The following FOXC2 variants were observed in gnomAD, a reference collection of about 807,000 sequenced individuals.
FOXC2 encodes forkhead box C2.
A neutral mutation model predicts 7.2 loss-of-function variants in FOXC2; 7 were observed. The ratio of observed to expected loss-of-function variants is 0.97; its 90% CI spans 0.55 to 1.81. The LOEUF is 1.81. Ranked by LOEUF, FOXC2 falls within the 40% of genes most tolerant of loss-of-function variation. FOXC2 has a pLI of 0.00. For missense variants in FOXC2, 846 were observed against 741.2 expected, an observed-to-expected ratio of 1.14 and a Z score of -1.64; for synonymous variants, 436 against 350.4, an observed-to-expected ratio of 1.24 and a Z score of -2.73.
At position 86,566,844 on chromosome 16, in the gene FOXC2, C is replaced by T. The variant is rs889756188; in HGVS notation, c.-492C>T. On this transcript the variant is annotated 5_prime_UTR_variant, in exon 1 of 1. Transcript: ENST00000649859. The surrounding 1 kb of genome is among the most constrained non-coding windows in gnomAD (Gnocchi z 4.3). ...GAAGACTTTTGAAACTTTTCCCAAT[C>T]CCTAAAAGGGACTTGGCCTCTTTTT... Among the ~76,000 whole-genome samples the T allele has an allele frequency of 6.6e-6, 1 of 152,170 alleles. No individual in the cohort carries two copies. Among genetic ancestry groups the T allele is most frequent in the Non-Finnish European group, 1.5e-5 (1 of 68,022 alleles).
In FOXC2 at chr16:86,568,867, G is replaced by A. The variant is rs568133352; in HGVS notation, c.*26G>A. On this transcript the variant is annotated 3_prime_UTR_variant, in exon 1 of 1. Coordinates refer to ENST00000649859, the MANE Select transcript of FOXC2 (RefSeq NM_005251.3). The surrounding 1 kb of genome is among the most constrained non-coding windows in gnomAD (Gnocchi z 5.2). The stretch of plus-strand genomic sequence containing the variant: ...CGTGTCCCGGGACCTCCCCTCCCCG[G>A]CCCGCTCCGGCTTCGCTTCCCAGCC... The A allele has an allele frequency of 1.6e-5, 26 of 1,611,574 alleles. 1 individual carries two copies. The East Asian group carries it at 3.3e-4, about 21-fold the overall frequency.
Position 86,567,247 on chromosome 16 carries a change from C to G in FOXC2, c.-89C>G, listed in dbSNP as rs1974207772. 1.9e-5 allele frequency: 28 copies of G among 1,484,680 alleles called. No homozygotes were observed. In the South Asian group the frequency reaches 3.2e-4, roughly 17 times the overall value. 92.0% of individuals were successfully genotyped at this position (1,484,680 alleles called of 1,614,324 possible). Reference sequence around the variant, plus strand: ...GCTCCCCTCCTCTCCCCCTCTGGCTCTCTCGCGCTCTCTCGCTCTCAGGGC... The same window carrying G: ...GCTCCCCTCCTCTCCCCCTCTGGCTGTCTCGCGCTCTCTCGCTCTCAGGGC... On this transcript the variant is annotated 5_prime_UTR_variant, in exon 1 of 1. Transcript: ENST00000649859.
rs749722544 is a variant in FOXC2, at chr16:86,567,598, C to T, written c.263C>T (p.Ala88Val). 1.2e-5 allele frequency: 19 copies of T among 1,614,122 alleles called. No individual in the cohort carries two copies. The highest frequency in any genetic ancestry group is 1.6e-5 in the Non-Finnish European group (19 of 1,180,014). Reference sequence around the variant, plus strand: ...CTCATCACCATGGCCATCCAGAACGCGCCCGAGAAGAAGATCACCTTGAAC... The same window carrying T: ...CTCATCACCATGGCCATCCAGAACGTGCCCGAGAAGAAGATCACCTTGAAC... ...IALITMAIQNAPEKKITLNGI... is the reference protein window; with the variant it reads ...IALITMAIQNVPEKKITLNGI... Residue 88 changes from alanine (A) to valine (V), a missense_variant, in exon 1 of 1, where the codon GCG becomes GTG. Ala to Val is a moderately conservative substitution (Grantham distance 64, BLOSUM62 0). Around this residue, in one of 3 missense-constraint regions of FOXC2, gnomAD observed 154 missense variants for 134.2 expected, o/e 1.15. Coordinates refer to ENST00000649859, the MANE Select transcript of FOXC2 (RefSeq NM_005251.3).
rs931933356 is a variant in FOXC2 at position 86,569,487 on chromosome 16, T to C, written c.*646T>C. ...TATGAGATATAATTCTTTTTCCCAT[T>C]GTAGGTCTTTTACAAAACAAGAAAA... On this transcript the variant is annotated 3_prime_UTR_variant, in exon 1 of 1. Coordinates refer to ENST00000649859, the MANE Select transcript of FOXC2 (RefSeq NM_005251.3). 6.0e-6 allele frequency: 1 copy of C among 167,320 alleles called. No homozygotes were observed. The highest frequency in any genetic ancestry group is 2.4e-5 in the African/African-American group (1 of 41,470). The allele number at this position is 167,320 out of a possible 1,614,324, so 10.4% of individuals were successfully genotyped here.
rs1407961423 is a variant in FOXC2 at position 86,568,646 on chromosome 16, C to T, written c.1311C>T (p.Gly437=). The change falls in exon 1 of 1, where the codon GGC becomes GGT. Residue 437 remains glycine, a synonymous_variant. Transcript: ENST00000649859. The surrounding 1 kb of genome is among the most constrained non-coding windows in gnomAD (Gnocchi z 5.2). ...GCGGGGACCTGAACCACCTCCCCGG[C>T]CACACGTTCGCGGCCCAGCAGCAAA... ...NHSGDLNHLP[G]HTFAAQQQTF... is the part of the protein sequence containing the mutation. 1 of 1,612,632 alleles carries T rather than the reference C, an allele frequency of 6.2e-7. No individual in the cohort carries two copies. The highest frequency in any genetic ancestry group is 1.3e-5 in the African/African-American group (1 of 74,926).
Position 86,568,933 on chromosome 16 carries a change from A to C in FOXC2, c.*92A>C, listed in dbSNP as rs1016527855. ...AATTAAGGGGCTGCAGAGACGCAAAAAAGAAACAAAACATGTCCACCAACC... is the reference window on the plus strand; with the variant it reads ...AATTAAGGGGCTGCAGAGACGCAAACAAGAAACAAAACATGTCCACCAACC... On this transcript the variant is annotated 3_prime_UTR_variant, in exon 1 of 1. Coordinates refer to ENST00000649859, the MANE Select transcript of FOXC2 (RefSeq NM_005251.3). The surrounding 1 kb of genome is among the most constrained non-coding windows in gnomAD (Gnocchi z 5.2). 1 of 1,532,538 alleles carries C rather than the reference A, an allele frequency of 6.5e-7. No individual in the cohort carries two copies. Among genetic ancestry groups the C allele is most frequent in the African/African-American group, 1.4e-5 (1 of 72,730 alleles). The allele number at this position is 1,532,538 out of a possible 1,614,324, so 94.9% of individuals were successfully genotyped here. A position where few individuals can be genotyped will look rare whatever the true frequency, so the allele number is the denominator to read the frequency against.
At position 86,567,387 on chromosome 16, in the gene FOXC2, T is replaced by A; in HGVS notation, c.52T>A (p.Tyr18Asn). The change falls in exon 1 of 1, where the codon TAC (tyrosine) becomes AAC (asparagine). Residue 18 changes from tyrosine (Y) to asparagine (N), a missense_variant. Tyr to Asn is a moderately radical substitution (Grantham distance 143, BLOSUM62 -2). This residue lies in a region of FOXC2 where 154 missense variants were observed against 134.2 expected (regional missense o/e 1.15). Coordinates refer to ENST00000649859, the MANE Select transcript of FOXC2 (RefSeq NM_005251.3). ...CCCCAACGCCCTGGGAGTGGTGCCC[T>A]ACCTGAGCGAGCAGAATTACTACCG... ...SDPNALGVVP[Y>N]LSEQNYYRAA... The A allele has an allele frequency of 6.2e-7, 1 of 1,613,188 alleles. No homozygotes were observed. Among genetic ancestry groups the A allele is most frequent in the Non-Finnish European group, 8.5e-7 (1 of 1,179,830 alleles).
Position 86,568,715 on chromosome 16 carries a change from G to C in FOXC2, c.1380G>C (p.Gly460=). 3.1e-6 allele frequency: 5 copies of C among 1,612,974 alleles called. No homozygotes were observed. The highest frequency in any genetic ancestry group is 4.2e-6 in the Non-Finnish European group (5 of 1,180,014). The part of the protein sequence containing the change: ...VREMFNSHRL[G]IENSTLGESQ... Reference sequence around the variant, plus strand: ...AGATGTTCAACTCCCACCGGCTGGGGATTGAGAACTCGACCCTCGGGGAGT... The same window carrying C: ...AGATGTTCAACTCCCACCGGCTGGGCATTGAGAACTCGACCCTCGGGGAGT... Residue 460 remains glycine, a synonymous_variant, in exon 1 of 1, where the codon GGG becomes GGC. Coordinates refer to ENST00000649859, the MANE Select transcript of FOXC2 (RefSeq NM_005251.3). The surrounding 1 kb of genome is among the most constrained non-coding windows in gnomAD (Gnocchi z 5.2).
rs1380666864 is a variant in FOXC2, at chr16:86,568,094, C to T, written c.759C>T (p.Asp253=). 1.4e-6 allele frequency: 2 copies of T among 1,408,028 alleles called. No individual in the cohort carries two copies. The highest frequency in any genetic ancestry group is 1.6e-5 in the South Asian group (1 of 62,942). 87.2% of individuals were successfully genotyped at this position (1,408,028 alleles called of 1,614,324 possible). A position where few individuals can be genotyped will look rare whatever the true frequency, so the allele number is the denominator to read the frequency against. ...CCTCCACGCCCGCCGGCTCCCCCGA[C>T]GGCTCGCTGCCGGAGCACCACGCCG... ...SAASTPAGSP[D]GSLPEHHAAA... is the part of the protein sequence containing the mutation. Residue 253 remains aspartate, a synonymous_variant, in exon 1 of 1, where the codon GAC becomes GAT. Transcript: ENST00000649859. The surrounding 1 kb of genome is among the most constrained non-coding windows in gnomAD (Gnocchi z 5.2).
chr16:86,567,284 C>T lies in FOXC2; in HGVS notation c.-52C>T. The T allele has an allele frequency of 1.1e-5, 18 of 1,607,520 alleles. No homozygotes were observed. In the South Asian group the frequency reaches 2.0e-4, roughly 18 times the overall value. The stretch of plus-strand genomic sequence containing the variant: ...CTCGCTCTCAGGGCCCCCCTCGCTC[C>T]CCCGGCCGCAGTCCGTGCGCGAGGG... On this transcript the variant is annotated 5_prime_UTR_variant, in exon 1 of 1. Transcript: ENST00000649859.
rs746195395 is a variant in FOXC2 at position 86,567,496 on chromosome 16, G to T, written c.161G>T (p.Arg54Leu). 7 of 1,613,742 alleles carry T rather than the reference G, an allele frequency of 4.3e-6. No individual in the cohort carries two copies. Among genetic ancestry groups the T allele is most frequent in the Non-Finnish European group, 5.9e-6 (7 of 1,180,020 alleles). Residue 54 changes from arginine to leucine, a missense_variant, in exon 1 of 1, where the codon CGC becomes CTC. Arg to Leu is a moderately radical substitution (Grantham distance 102). Coordinates refer to ENST00000649859, the MANE Select transcript of FOXC2 (RefSeq NM_005251.3). ...HPEQYSAGMGRSYAPYHHHQP... is the reference protein window; with the variant it reads ...HPEQYSAGMGLSYAPYHHHQP... ...GAGCAGTACAGCGCGGGGATGGGCC[G>T]CTCCTACGCGCCCTACCACCACCAC...
At position 86,567,871 on chromosome 16, in the gene FOXC2, A is replaced by G. The variant is rs1473396239; in HGVS notation, c.536A>G (p.Glu179Gly). 5 of 1,610,784 alleles carry G rather than the reference A, an allele frequency of 3.1e-6. No individual in the cohort carries two copies. In the East Asian group the frequency reaches 1.1e-4, roughly 36 times the overall value. Residue 179 changes from glutamate to glycine, a missense_variant, in exon 1 of 1, where the codon GAG becomes GGG. By Grantham distance (98) the Glu-to-Gly change is moderately conservative. Around this residue, in one of 3 missense-constraint regions of FOXC2, gnomAD observed 640 missense variants for 503.2 expected, o/e 1.27. Transcript: ENST00000649859. ...KKKDVSKEKE[E>G]RAHLKEPPPA... ...AAGGACGTGTCCAAGGAGAAGGAGG[A>G]GCGGGCCCACCTCAAGGAGCCGCCC...
In FOXC2 at chr16:86,568,511, C is replaced by A; in HGVS notation, c.1176C>A (p.His392Gln). The A allele has an allele frequency of 7.8e-7, 1 of 1,288,072 alleles. No homozygotes were observed. The allele number at this position is 1,288,072 out of a possible 1,614,324, so 79.8% of individuals were successfully genotyped here. Residue 392 changes from histidine (H) to glutamine (Q), a missense_variant, in exon 1 of 1, where the codon CAC (histidine) becomes CAA (glutamine). By Grantham distance (24) the His-to-Gln change is conservative (BLOSUM62 0). Transcript: ENST00000649859. This position sits in a 1 kb window ranked among gnomAD's most constrained non-coding sequence, Gnocchi z 5.2. Reference sequence around the variant, plus strand: ...CCACGGGCCACCACCACCAGCACCACGGCCACCACCACCCGCAGGCGCCGC... The same window carrying A: ...CCACGGGCCACCACCACCAGCACCAAGGCCACCACCACCCGCAGGCGCCGC... Reference protein sequence around the residue: ...LAATGHHHQHHGHHHPQAPPP... With the variant: ...LAATGHHHQHQGHHHPQAPPP...
Position 86,568,494 on chromosome 16 carries a change from C to A in FOXC2, c.1159C>A (p.His387Asn). 1 of 1,297,224 alleles carries A rather than the reference C, an allele frequency of 7.7e-7. No individual in the cohort carries two copies. Among genetic ancestry groups the A allele is most frequent in the South Asian group, 2.1e-5 (1 of 46,866 alleles). The allele number at this position is 1,297,224 out of a possible 1,614,324, so 80.4% of individuals were successfully genotyped here. Reference protein sequence around the residue: ...GQEGALAATGHHHQHHGHHHP... With the variant: ...GQEGALAATGNHHQHHGHHHP... ...GGAGGGCGCGCTCGCCGCCACGGGC[C>A]ACCACCACCAGCACCACGGCCACCA... The change falls in exon 1 of 1, where the codon CAC (histidine) becomes AAC (asparagine). Residue 387 changes from histidine to asparagine, a missense_variant. Around this residue, in one of 3 missense-constraint regions of FOXC2, gnomAD observed 640 missense variants for 503.2 expected, o/e 1.27. Transcript: ENST00000649859. The surrounding 1 kb of genome is among the most constrained non-coding windows in gnomAD (Gnocchi z 5.2).
chr16:86,568,790 G>C lies in FOXC2; in HGVS notation c.1455G>C (p.Pro485=). Residue 485 remains proline (P), a synonymous_variant, in exon 1 of 1, where the codon CCG becomes CCC. Transcript: ENST00000649859. This position sits in a 1 kb window ranked among gnomAD's most constrained non-coding sequence, Gnocchi z 5.2. ...ASCQLPYRST[P]PLYRHAAPYS... is the part of the protein sequence containing the mutation. ...GCCAGCTGCCCTACAGATCCACGCC[G>C]CCTCTCTATCGCCACGCAGCCCCCT... 1.2e-6 allele frequency: 2 copies of C among 1,612,974 alleles called. No individual in the cohort carries two copies. The highest frequency in any genetic ancestry group is 1.7e-6 in the Non-Finnish European group (2 of 1,179,994).
chr16:86,567,391 T>G lies in FOXC2; in HGVS notation c.56T>G (p.Leu19Arg). The change falls in exon 1 of 1, where the codon CTG (leucine) becomes CGG (arginine). Residue 19 changes from leucine to arginine, a missense_variant. Leu to Arg is a moderately radical substitution (Grantham distance 102, BLOSUM62 -2). Transcript: ENST00000649859. ...AACGCCCTGGGAGTGGTGCCCTACCTGAGCGAGCAGAATTACTACCGGGCT... is the reference window on the plus strand; with the variant it reads ...AACGCCCTGGGAGTGGTGCCCTACCGGAGCGAGCAGAATTACTACCGGGCT... ...DPNALGVVPY[L>R]SEQNYYRAAG... is the part of the protein sequence containing the mutation. The G allele has an allele frequency of 6.2e-7, 1 of 1,613,188 alleles. No homozygotes were observed. Among genetic ancestry groups the G allele is most frequent in the Non-Finnish European group, 8.5e-7 (1 of 1,179,838 alleles).
In FOXC2 at chr16:86,567,368, C is replaced by T. The variant is rs772645050; in HGVS notation, c.33C>T (p.Asn11=). 3.1e-6 allele frequency: 5 copies of T among 1,613,126 alleles called. No homozygotes were observed. Among genetic ancestry groups the T allele is most frequent in the Non-Finnish European group, 4.2e-6 (5 of 1,179,870 alleles). The change falls in exon 1 of 1, where the codon AAC becomes AAT. Residue 11 remains asparagine, a synonymous_variant. Transcript: ENST00000649859. The stretch of plus-strand genomic sequence containing the variant: ...CGCGCTACTCCGTGTCCGACCCCAA[C>T]GCCCTGGGAGTGGTGCCCTACCTGA... The part of the protein sequence containing the change: MQARYSVSDP[N]ALGVVPYLSE...
chr16:86,569,091 A>G lies in FOXC2; in HGVS notation c.*250A>G. 2 of 586,516 alleles carry G rather than the reference A, an allele frequency of 3.4e-6. No individual in the cohort carries two copies. The highest frequency in any genetic ancestry group is 6.3e-6 in the Non-Finnish European group (2 of 319,720). 36.3% of individuals were successfully genotyped at this position (586,516 alleles called of 1,614,324 possible). A position where few individuals can be genotyped will look rare whatever the true frequency, so the allele number is the denominator to read the frequency against. On this transcript the variant is annotated 3_prime_UTR_variant, in exon 1 of 1. Coordinates refer to ENST00000649859, the MANE Select transcript of FOXC2 (RefSeq NM_005251.3). ...CTCCAAAGGGACGCAGCCCAACAAA[A>G]TGAGTATTGATCTTAAAATCCCCCT...
Position 86,568,241 on chromosome 16 carries a change from G to T in FOXC2, c.906G>T (p.Ala302=). ...CGGGCCTGGTGGTGCCGCCGCTGGCGCTGCCCTACGCCGCCGCGCCGCCCG... is the reference window on the plus strand; with the variant it reads ...CGGGCCTGGTGGTGCCGCCGCTGGCTCTGCCCTACGCCGCCGCGCCGCCCG... ...GRAGLVVPPL[A]LPYAAAPPAA... Residue 302 remains alanine (A), a synonymous_variant, in exon 1 of 1, where the codon GCG becomes GCT. Coordinates refer to ENST00000649859, the MANE Select transcript of FOXC2 (RefSeq NM_005251.3). The surrounding 1 kb of genome is among the most constrained non-coding windows in gnomAD (Gnocchi z 5.2). The T allele has an allele frequency of 7.9e-7, 1 of 1,261,836 alleles. No homozygotes were observed. The highest frequency in any genetic ancestry group is 9.9e-7 in the Non-Finnish European group (1 of 1,007,392). The allele number at this position is 1,261,836 out of a possible 1,614,324, so 78.2% of individuals were successfully genotyped here. A position where few individuals can be genotyped will look rare whatever the true frequency, so the allele number is the denominator to read the frequency against.
Sources: allele counts gnomAD v4.1 joint callset (sites outside exome capture counted in the v4.1 genomes callset), GRCh38; gene constraint gnomAD v4.1.1; regional missense constraint gnomAD v4.1.1; non-coding constraint Gnocchi (gnomAD v3.1); transcripts MANE v1.5; gene names NCBI Gene and HGNC (gene_info 2026-07-23, HGNC 2026-07-21).